The following NALF2 variants were observed in gnomAD, a reference collection of about 807,000 sequenced individuals.
NALF2 encodes the protein NALCN channel auxiliary factor 2, also known as bB57D9.1 (TED protein).
Under a neutral mutation model 24.8 loss-of-function variants are expected in NALF2, and 1 was observed. That is an observed-to-expected ratio of 0.04 (90% CI 0.01 to 0.19). The LOEUF (loss-of-function observed/expected upper bound fraction) is 0.19, where lower values mean the gene tolerates loss of function less well. Among genes scored for constraint, NALF2 ranks in the 10% least tolerant of loss-of-function variants. The pLI is 1.00. For missense variants in NALF2, 458 were observed against 409.6 expected (o/e 1.12, Z -1.02); for synonymous variants, 254 against 189.8 (o/e 1.34, Z -2.78).
Position 69,529,133 on chromosome X carries a change from G to T in NALF2, c.1002G>T (p.Val334=). The T allele has an allele frequency of 8.3e-7, 1 of 1,210,487 alleles. No homozygotes were observed. The highest frequency in any genetic ancestry group is 1.1e-6 in the Non-Finnish European group (1 of 894,876). ...TACTCCCCGACAATGAGGAAATGGT[G>T]TACGGAGGGCTCCCTGGCTTTATCT... is the stretch of plus-strand genomic sequence containing the variant. ...PFILPDNEEM[V]YGGLPGFICT... Residue 334 remains valine (V), a synonymous_variant, in exon 2 of 3, where the codon GTG becomes GTT. Transcript: ENST00000252338.
intron 1 of NALF2, among the ~76,000 whole-genome samples, chrX:69,509,019 G>GC (rs1930539470): frequency 8.9e-6 from 1 of 112,259 alleles, no homozygotes; most frequent in Non-Finnish European, 1.9e-5. Context: ...TGCAATATCT[G>GC]CCCCCGTTTC....
intron 1 of NALF2, among the ~76,000 whole-genome samples, chrX:69,514,183 C>T (rs1371982807): frequency 1.2e-5 from 1 of 84,421 alleles, no homozygotes; most frequent in Non-Finnish European, 2.2e-5. Context: ...GAGTAAGACT[C>T]TGTCTCAAAA....
chrX:69,505,407 G>A lies in NALF2; in HGVS notation c.125G>A (p.Arg42Gln), dbSNP rs1602189118. The A allele has an allele frequency of 8.6e-7, 1 of 1,157,641 alleles. No individual in the cohort carries two copies. Among genetic ancestry groups the A allele is most frequent in the Middle Eastern group, 2.3e-4 (1 of 4,268 alleles). The change falls in exon 1 of 3, where the codon CGA (arginine) becomes CAA (glutamine). Residue 42 changes from arginine to glutamine, a missense_variant. Transcript: ENST00000252338. ...KPCADSERAQRWRLSLASLLF... is the reference protein window; with the variant it reads ...KPCADSERAQQWRLSLASLLF... ...TGCGCCGACTCCGAGCGGGCGCAGC[G>A]ATGGCGACTGTCCCTGGCGTCCCTG...
chrX:69,514,679 A>G (rs975748683), intron 1 of NALF2, among the ~76,000 whole-genome samples: 1 of 111,925 alleles, frequency 8.9e-6, no homozygotes, highest in Non-Finnish European at 1.9e-5. Context: ...ACCATTTTAC[A>G]TTATATTACA....
intron 1 of NALF2, among the ~76,000 whole-genome samples, chrX:69,508,382 C>T (rs749134765): frequency 1.8e-5 from 2 of 110,819 alleles, no homozygotes; most frequent in South Asian, 7.9e-4. Flanking sequence ...AGGACTCCAG[C>T]CCACGTGTTT....
chrX:69,505,776 C>T lies in NALF2; in HGVS notation c.494C>T (p.Pro165Leu). 2 of 1,211,605 alleles carry T rather than the reference C, an allele frequency of 1.7e-6. No individual in the cohort carries two copies. Among genetic ancestry groups the T allele is most frequent in the East Asian group, 3.0e-5 (1 of 33,795 alleles). Reference sequence around the variant, plus strand: ...TTCGAACCGACTACTCCGGCCCCCCCTCTGCGGCCCCCTGACTCCCTTTCC... The same window carrying T: ...TTCGAACCGACTACTCCGGCCCCCCTTCTGCGGCCCCCTGACTCCCTTTCC... The part of the protein sequence containing the change: ...RLFEPTTPAP[P>L]LRPPDSLSRA... Residue 165 changes from proline (P) to leucine (L), a missense_variant, in exon 1 of 3, where the codon CCT (proline) becomes CTT (leucine). By Grantham distance (98) the Pro-to-Leu change is moderately conservative (BLOSUM62 -3). Coordinates refer to ENST00000252338, the MANE Select transcript of NALF2 (RefSeq NM_015686.3).
At chrX:69,529,407 C>A (rs750390282) in intron 2 of NALF2, among the ~76,000 whole-genome samples, 164 bp from the exon 3 acceptor site, 1 of 111,040 alleles carries the variant, frequency 9.0e-6, no homozygotes, top group East Asian at 2.9e-4. Context: ...TGGCTGGGGT[C>A]CCCAGGAAAG....
rs1930458068 is a variant in NALF2 at position 69,505,639 on chromosome X, C to A, written c.357C>A (p.Ser119Arg). Residue 119 changes from serine (S) to arginine (R), a missense_variant, in exon 1 of 3, where the codon AGC becomes AGA. Transcript: ENST00000252338. The part of the protein sequence containing the change: ...APPGTCGPRY[S>R]NLTKAAPAAG... ...CAGGCACCTGCGGCCCCAGATACAG[C>A]AACCTGACCAAAGCCGCCCCCGCCG... 5.9e-6 allele frequency: 7 copies of A among 1,194,369 alleles called. No individual in the cohort carries two copies. The highest frequency in any genetic ancestry group is 7.9e-6 in the Non-Finnish European group (7 of 891,467).
At chrX:69,512,845 C>T (rs1409910274) in intron 1 of NALF2, among the ~76,000 whole-genome samples, 1 of 111,786 alleles carries the variant, frequency 8.9e-6, no homozygotes, top group Non-Finnish European at 1.9e-5. Flanking sequence ...CAGCTGGCTA[C>T]TGAGAGGCTG....
chrX:69,505,562 C>G lies in NALF2; in HGVS notation c.280C>G (p.Arg94Gly). The change falls in exon 1 of 3, where the codon CGC (arginine) becomes GGC (glycine). Residue 94 changes from arginine (R) to glycine (G), a missense_variant. Physicochemically the swap from Arg to Gly is moderately radical, Grantham distance 125. Transcript: ENST00000252338. ...CCGGGAGCGGCAGCCGGTGCCTCCT[C>G]GCGCGGTGCTGCCGCTGCCGCCGCC... ...AGRERQPVPP[R>G]AVLPLPPPPP... The G allele has an allele frequency of 1.0e-6, 1 of 972,968 alleles. No individual in the cohort carries two copies. The highest frequency in any genetic ancestry group is 1.3e-6 in the Non-Finnish European group (1 of 783,828). The allele number at this position is 972,968 out of a possible 1,213,427, so 80.2% of individuals were successfully genotyped here.
intron 1 of NALF2, among the ~76,000 whole-genome samples, chrX:69,528,722 C>T (rs1930845247): frequency 8.9e-6 from 1 of 112,266 alleles, no homozygotes. Flanking sequence ...CAGTTCTGAC[C>T]TTCCAGTAAT....
chrX:69,518,453 A>C (rs761444517), intron 1 of NALF2, among the ~76,000 whole-genome samples: 1 of 111,623 alleles, frequency 9.0e-6, no homozygotes, highest in Non-Finnish European at 1.9e-5. Context: ...ACACACACAC[A>C]CCCCAAGCCT....
chrX:69,531,292 A>T lies in NALF2; in HGVS notation c.*1336A>T, dbSNP rs1055299100. ...CAAGAAGACCCTTTGACTAAAGATA[A>T]TGTGCTGTCATATCTTGGCTGAGAA... On this transcript the variant is annotated 3_prime_UTR_variant, in exon 3 of 3. Transcript: ENST00000252338. 5 of 112,756 alleles carry T rather than the reference A, an allele frequency of 4.4e-5. No individual in the cohort carries two copies. The highest frequency in any genetic ancestry group is 1.6e-4 in the African/African-American group (5 of 30,962). 9.3% of individuals were successfully genotyped at this position (112,756 alleles called of 1,213,427 possible).
rs1930431985 is a variant in NALF2 at position 69,504,972 on chromosome X, C to A, written c.-311C>A. Among the ~76,000 whole-genome samples the A allele has an allele frequency of 9.3e-6, 1 of 107,051 alleles. No individual in the cohort carries two copies. Among genetic ancestry groups the A allele is most frequent in the African/African-American group, 3.3e-5 (1 of 30,146 alleles). 93.0% of individuals were successfully genotyped at this position (107,051 alleles called of 115,157 possible). A position where few individuals can be genotyped will look rare whatever the true frequency, so the allele number is the denominator to read the frequency against. ...GACACTATGAGGAGTGCGGCGCCGC[C>A]GCCGCAGCCGCCACCGCCCCAGTGC... On this transcript the variant is annotated 5_prime_UTR_variant, in exon 1 of 3. Transcript: ENST00000252338.
At chrX:69,520,253 T>TA (rs1349104127) in intron 1 of NALF2, among the ~76,000 whole-genome samples, 1 of 112,254 alleles carries the variant, frequency 8.9e-6, no homozygotes, top group African/African-American at 3.2e-5. Context: ...TTTCTCATGA[T>TA]ACGTGTCTGA....
intron 1 of NALF2, among the ~76,000 whole-genome samples, chrX:69,527,812 G>C (rs927746361): frequency 4.5e-5 from 5 of 111,107 alleles, no homozygotes; most frequent in African/African-American, 1.3e-4. Context: ...GTCGGGGGTG[G>C]AGCCTGAGAT....
Position 69,506,464 on chromosome X carries a change from C to T in NALF2, c.861+321C>T, listed in dbSNP as rs772333152. Among the ~76,000 whole-genome samples, 199 of 113,296 alleles carry T rather than the reference C, an allele frequency of 1.8e-3. 1 individual carries two copies. The highest frequency in any genetic ancestry group is 9.1e-3 in the Middle Eastern group (2 of 219). On this transcript the variant is annotated intron_variant, in intron 1 of 2. Coordinates refer to ENST00000252338, the MANE Select transcript of NALF2 (RefSeq NM_015686.3). ...CAATGAGGTGGCAGGAGGGATTGTG[C>T]TCCCCCCAGCCTCCATCCTCAGCCA... is the stretch of plus-strand genomic sequence containing the variant.
At chrX:69,514,598 T>C (rs1460978472) in intron 1 of NALF2, among the ~76,000 whole-genome samples, 2 of 111,724 alleles carry the variant, frequency 1.8e-5, no homozygotes, top group Non-Finnish European at 3.8e-5. Flanking sequence ...AGGAGTAGAA[T>C]TGCCAGATCA....
In NALF2 at chrX:69,505,185, G is replaced by A; in HGVS notation, c.-98G>A. The stretch of plus-strand genomic sequence containing the variant: ...GCAGCCCCCGAGGTAGAGCCTGGAC[G>A]GCGCCGAGGAGCGCAGAGCGGCGCG... On this transcript the variant is annotated 5_prime_UTR_variant, in exon 1 of 3. Coordinates refer to ENST00000252338, the MANE Select transcript of NALF2 (RefSeq NM_015686.3). The A allele has an allele frequency of 6.8e-6, 6 of 881,796 alleles. No individual in the cohort carries two copies. Among genetic ancestry groups the A allele is most frequent in the Middle Eastern group, 4.4e-4 (1 of 2,287 alleles). 72.7% of individuals were successfully genotyped at this position (881,796 alleles called of 1,213,427 possible).
Sources: allele counts gnomAD v4.1 joint callset (sites outside exome capture counted in the v4.1 genomes callset), GRCh38; gene constraint gnomAD v4.1.1; transcripts MANE v1.5; gene names NCBI Gene and HGNC (gene_info 2026-07-23, HGNC 2026-07-21).